MINAR2: variants seen among roughly 807,000 people sequenced by gnomAD.
MINAR2 encodes major intrinsically disordered NOTCH2-binding receptor 1-like.
Under a neutral mutation model 16.1 loss-of-function variants are expected in MINAR2, and 21 were observed. The ratio of observed to expected loss-of-function variants is 1.31; its 90% CI spans 0.93 to 1.88. The LOEUF (loss-of-function observed/expected upper bound fraction) is 1.88. MINAR2 is among the 40% of genes most tolerant of loss of function. The pLI is 0.00. For synonymous variants in MINAR2, 86 were observed against 83.0 expected, an observed-to-expected ratio of 1.04 and a Z score of -0.20; for missense variants, 259 against 229.8, an observed-to-expected ratio of 1.13 and a Z score of -0.82.
rs1349827442 is a variant in MINAR2 at position 129,760,423 on chromosome 5, G to A, written c.211G>A (p.Ala71Thr). ...IAAQRIRGSS[A>T]DSLVTADSPP... ...TGCTCAACGAATTAGGGGATCCAGT[G>A]CAGACAGCCTTGTCACTGCTGATAG... Residue 71 changes from alanine (A) to threonine (T), a missense_variant, in exon 2 of 3, where the codon GCA becomes ACA. Coordinates refer to ENST00000564719, the MANE Select transcript of MINAR2 (RefSeq NM_001257308.2). 2.6e-6 allele frequency: 4 copies of A among 1,535,744 alleles called. No individual in the cohort carries two copies. The highest frequency in any genetic ancestry group is 3.9e-5 in the Admixed American group (2 of 50,974).
intron 1 of MINAR2, 28 bp from the exon 2 acceptor site, chr5:129,760,350 A>C: frequency 4.6e-6 from 7 of 1,510,362 alleles, no homozygotes; most frequent in African/African-American, 1.4e-5. Context: ...CCCGTTGCTA[A>C]GAGATGCCTT....
rs565873024 is a variant in MINAR2, at chr5:129,755,877, ATTT to A, written c.166-4498_166-4496del. Among the ~76,000 whole-genome samples, 563 of 151,972 alleles carry A rather than the reference ATTT, an allele frequency of 3.7e-3. 4 individuals carry two copies. Among genetic ancestry groups the A allele is most frequent in the African/African-American group, 0.012 (507 of 41,460 alleles). On this transcript the variant is annotated intron_variant, in intron 1 of 2. Transcript: ENST00000564719. ...TTTATTATATTTATTCAATGGCTTT[ATTT>A]TTAAGACTTTGAATTCAATGCTTAA...
At chr5:129,757,851 A>G (rs1758075628) in intron 1 of MINAR2, among the ~76,000 whole-genome samples, 1 of 151,952 alleles carries the variant, frequency 6.6e-6, no homozygotes, top group South Asian at 2.1e-4. Flanking sequence ...ATTCACACAC[A>G]CATTTATCAG....
Position 129,765,385 on chromosome 5 carries a change from A to G in MINAR2, c.*322A>G. ...TTATAGGGAGCAAACAGTATCAAAA[A>G]TTGTCAGCAGCTTTGTTTTCATGCT... On this transcript the variant is annotated 3_prime_UTR_variant, in exon 3 of 3. Transcript: ENST00000564719. The G allele has an allele frequency of 4.7e-6, 1 of 214,266 alleles. No homozygotes were observed. The highest frequency in any genetic ancestry group is 9.1e-6 in the Non-Finnish European group (1 of 109,572). The allele number at this position is 214,266 out of a possible 1,614,324, so 13.3% of individuals were successfully genotyped here.
rs886294364 is a variant in MINAR2, at chr5:129,748,304, G to C, written c.114G>C (p.Pro38=). The C allele has an allele frequency of 3.3e-6, 5 of 1,535,172 alleles. No homozygotes were observed. The East Asian group carries it at 1.2e-4, about 38-fold the overall frequency. The change falls in exon 1 of 3, where the codon CCG becomes CCC. Residue 38 remains proline (P), a synonymous_variant. Coordinates refer to ENST00000564719, the MANE Select transcript of MINAR2 (RefSeq NM_001257308.2). ...TTCAGGCCAGCCTGGTGAGGTTTCCGGGTGGAAATTATCCTGCTGCACAAC... is the reference window on the plus strand; with the variant it reads ...TTCAGGCCAGCCTGGTGAGGTTTCCCGGTGGAAATTATCCTGCTGCACAAC... ...ALLQASLVRF[P]GGNYPAAQHW... is the part of the protein sequence containing the mutation.
intron 1 of MINAR2, among the ~76,000 whole-genome samples, chr5:129,751,814 A>G (rs1422081900): frequency 6.6e-6 from 1 of 152,186 alleles, no homozygotes; most frequent in Non-Finnish European, 1.5e-5. Context: ...ATTTCTGCCA[A>G]CCCCTTTATA....
chr5:129,760,631 T>G, intron 2 of MINAR2, 26 bp downstream of exon 2: 1 of 1,474,224 alleles, frequency 6.8e-7, no homozygotes, highest in Non-Finnish European at 9.2e-7. Flanking sequence ...AGTCAACCTC[T>G]TCAACTGATA....
In MINAR2 at chr5:129,760,425, A is replaced by G. The variant is rs1758117609; in HGVS notation, c.213A>G (p.Ala71=). The G allele has an allele frequency of 6.5e-7, 1 of 1,535,684 alleles. No individual in the cohort carries two copies. Among genetic ancestry groups the G allele is most frequent in the South Asian group, 1.2e-5 (1 of 84,052 alleles). Residue 71 remains alanine, a synonymous_variant, in exon 2 of 3, where the codon GCA becomes GCG. Transcript: ENST00000564719. ...CTCAACGAATTAGGGGATCCAGTGC[A>G]GACAGCCTTGTCACTGCTGATAGCC... is the stretch of plus-strand genomic sequence containing the variant. ...IAAQRIRGSS[A]DSLVTADSPP...
intron 1 of MINAR2, among the ~76,000 whole-genome samples, chr5:129,751,661 C>A (rs1757986526): frequency 2.0e-5 from 3 of 152,106 alleles, no homozygotes; most frequent in Admixed American, 2.0e-4. Flanking sequence ...TCCTTAAATT[C>A]TTTCACCAGA....
rs1207489229 is a variant in MINAR2 at position 129,765,775 on chromosome 5, C to T, written c.*712C>T. The T allele has an allele frequency of 6.6e-6, 1 of 151,972 alleles. No individual in the cohort carries two copies. Among genetic ancestry groups the T allele is most frequent in the African/African-American group, 2.4e-5 (1 of 41,354 alleles). The allele number at this position is 151,972 out of a possible 1,614,324, so 9.4% of individuals were successfully genotyped here. On this transcript the variant is annotated 3_prime_UTR_variant, in exon 3 of 3. Transcript: ENST00000564719. ...CCAATTTATCCAAATTGGCTGTGAC[C>T]CCTGGTGGCAGTCAGTGTGCATATA...
intron 1 of MINAR2, among the ~76,000 whole-genome samples, chr5:129,755,916 A>C (rs1023284256): frequency 2.0e-5 from 3 of 151,538 alleles, no homozygotes; most frequent in African/African-American, 7.3e-5. Context: ...TACCTTATTA[A>C]TTTTCTCATT....
rs1418399882 is a variant in MINAR2 at position 129,760,551 on chromosome 5, C to G, written c.339C>G (p.Thr113=). The G allele has an allele frequency of 6.5e-7, 1 of 1,535,478 alleles. No individual in the cohort carries two copies. The highest frequency in any genetic ancestry group is 1.4e-5 in the African/African-American group (1 of 72,986). Residue 113 remains threonine (T), a synonymous_variant, in exon 2 of 3, where the codon ACC becomes ACG. Transcript: ENST00000564719. ...AAAGAAAAAAGAACCCCTCATGGAC[C>G]ATTGAGGAATATGACAAACATTCCC... is the stretch of plus-strand genomic sequence containing the variant. ...MEERKKNPSW[T]IEEYDKHSLH... is the part of the protein sequence containing the mutation.
intron 1 of MINAR2, among the ~76,000 whole-genome samples, chr5:129,751,297 C>T (rs1418645550): frequency 1.3e-5 from 2 of 152,096 alleles, no homozygotes; most frequent in African/African-American, 4.8e-5. Context: ...CAACCTCTGC[C>T]TCCCAGATTC....
At chr5:129,761,304 C>A (rs1366098447) in intron 2 of MINAR2, among the ~76,000 whole-genome samples, 1 of 152,174 alleles carries the variant, frequency 6.6e-6, no homozygotes, top group Admixed American at 6.5e-5. Flanking sequence ...GATTCCTACC[C>A]AGCCTTGGCT....
intron 2 of MINAR2, 49 bp from the exon 3 acceptor site, chr5:129,764,835 C>T (rs1402581657): frequency 6.8e-6 from 7 of 1,026,766 alleles, no homozygotes; most frequent in Non-Finnish European, 7.6e-6. Flanking sequence ...TAATTTGTAA[C>T]ACTGACTGAT....
intron 1 of MINAR2, among the ~76,000 whole-genome samples, chr5:129,759,389 T>C (rs1207227219): frequency 6.6e-6 from 1 of 152,184 alleles, no homozygotes; most frequent in Non-Finnish European, 1.5e-5. Flanking sequence ...TATAAGCTTT[T>C]TGATTCTTCT....
At position 129,764,957 on chromosome 5, in the gene MINAR2, AAG is replaced by A. The variant is rs1758190902; in HGVS notation, c.471_472del (p.Lys158ThrfsTer43). On this transcript the variant is annotated frameshift_variant, in exon 3 of 3. Coordinates refer to ENST00000564719, the MANE Select transcript of MINAR2 (RefSeq NM_001257308.2). LOFTEE classifies it high-confidence loss of function. ...GGTTTTGACACTTTATTGAAAAAGG[AAG>A]AGAAACAAGAGAAGCATTCAAAATT... 1.4e-6 allele frequency: 2 copies of A among 1,405,014 alleles called. No individual in the cohort carries two copies. The highest frequency in any genetic ancestry group is 1.9e-6 in the Non-Finnish European group (2 of 1,079,110). The allele number at this position is 1,405,014 out of a possible 1,614,324, so 87.0% of individuals were successfully genotyped here. A position where few individuals can be genotyped will look rare whatever the true frequency, so the allele number is the denominator to read the frequency against.
intron 2 of MINAR2, among the ~76,000 whole-genome samples, chr5:129,761,027 C>A (rs903741792): frequency 6.6e-6 from 1 of 152,150 alleles, no homozygotes; most frequent in South Asian, 2.1e-4. Context: ...GTGCAAGGAA[C>A]TTCTCATCAA....
chr5:129,762,425 A>G, intron 2 of MINAR2: 1 of 220,900 alleles, frequency 4.5e-6, no homozygotes, highest in Admixed American at 4.6e-5. Context: ...AAAAGTATAA[A>G]ATTTGTTCAC....
Sources: gnomAD v4.1 joint callset for allele counts (sites outside exome capture counted in the v4.1 genomes callset) on GRCh38, gnomAD v4.1.1 for gene constraint, MANE v1.5 for transcripts, NCBI Gene and HGNC (gene_info 2026-07-23, HGNC 2026-07-21) for gene names.